The following PGAP1 variants were observed in gnomAD, a reference collection of about 807,000 sequenced individuals.
PGAP1 encodes the protein post-GPI attachment to proteins inositol deacylase 1, also known as GPI inositol-deacylase.
PGAP1 carries 76 observed loss-of-function variants against 127.0 expected under a neutral mutation model. That is an observed-to-expected ratio of 0.60 (90% CI 0.50 to 0.72). PGAP1 has a LOEUF of 0.72. PGAP1 is among the 30% of genes least tolerant of loss of function. The pLI is 0.00. For synonymous variants in PGAP1, 362 were observed against 366.5 expected (o/e 0.99, Z 0.14); for missense variants, 982 against 1,071.3 (o/e 0.92, Z 1.16).
intron 13 of PGAP1, among the ~76,000 whole-genome samples, chr2:196,878,339 A>G (rs753229568): frequency 6.6e-6 from 1 of 152,154 alleles, no homozygotes; most frequent in Non-Finnish European, 1.5e-5. Flanking sequence ...TATATTTTTA[A>G]TAACTTTGTG....
Position 196,905,421 on chromosome 2 carries a change from T to C in PGAP1, c.650-2679A>G, listed in dbSNP as rs184141520. ...ACTTCTACAAGCAAAGTTTTAAATG[T>C]ACCAACAGAAAAACCGGGCCTCATA... On this transcript the variant is annotated intron_variant, in intron 4 of 26. Coordinates refer to ENST00000354764, the MANE Select transcript of PGAP1 (RefSeq NM_024989.4). Among the ~76,000 whole-genome samples, 474 of 152,330 alleles carry C rather than the reference T, an allele frequency of 3.1e-3. 3 individuals are homozygous for C. The highest frequency in any genetic ancestry group is 0.011 in the African/African-American group (442 of 41,586).
In PGAP1 at chr2:196,848,047, TA is replaced by T. The variant is rs764627580; in HGVS notation, c.1862-11del. ...TATTCTAAGCAACAACCTGGTGATTTAAAAAAAGTTACATGCAATTTACAGT... is the reference window on the plus strand; with the variant it reads ...TATTCTAAGCAACAACCTGGTGATTTAAAAAAGTTACATGCAATTTACAGT... On this transcript the variant is annotated splice_polypyrimidine_tract_variant and intron_variant, in intron 20 of 26. Transcript: ENST00000354764. The T allele has an allele frequency of 3.2e-6, 5 of 1,574,032 alleles. No homozygotes were observed. The highest frequency in any genetic ancestry group is 1.2e-5 in the South Asian group (1 of 84,688).
intron 13 of PGAP1, among the ~76,000 whole-genome samples, chr2:196,876,042 A>T (rs1701560044): frequency 1.3e-5 from 2 of 152,108 alleles, no homozygotes; most frequent in South Asian, 4.1e-4. Context: ...TTAATAGATA[A>T]ATTATTCGAG....
At chr2:196,872,593 G>T in intron 17 of PGAP1, 44 bp from the exon 18 acceptor site, 3 of 1,359,858 alleles carry the variant, frequency 2.2e-6, no homozygotes, top group Non-Finnish European at 3.2e-6. Flanking sequence ...ACAAAATGCT[G>T]GTAAAGAGCC....
At chr2:196,848,357 A>AACAT (rs2125779762) in intron 20 of PGAP1, among the ~76,000 whole-genome samples, 1 of 152,308 alleles carries the variant, frequency 6.6e-6, no homozygotes, top group South Asian at 2.1e-4. Flanking sequence ...CTTCTATTTA[A>AACAT]ACATATACAA....
At chr2:196,896,105 C>T (rs1702258437) in intron 7 of PGAP1, among the ~76,000 whole-genome samples, 1 of 152,138 alleles carries the variant, frequency 6.6e-6, no homozygotes, top group African/African-American at 2.4e-5. Context: ...CATTTATCTG[C>T]TAGCAGACAA....
chr2:196,905,510 T>C (rs1576186367), intron 4 of PGAP1, among the ~76,000 whole-genome samples: 2 of 152,300 alleles, frequency 1.3e-5, no homozygotes, highest in South Asian at 2.1e-4. Flanking sequence ...GCTGTTATGT[T>C]AAGATGGTTT....
In PGAP1 at chr2:196,839,824, C is replaced by T. The variant is rs1377881555; in HGVS notation, c.*1410G>A. 1 of 152,162 alleles carries T rather than the reference C, an allele frequency of 6.6e-6. No individual in the cohort carries two copies. The highest frequency in any genetic ancestry group is 1.5e-5 in the Non-Finnish European group (1 of 68,048). The allele number at this position is 152,162 out of a possible 1,614,324, so 9.4% of individuals were successfully genotyped here. On this transcript the variant is annotated 3_prime_UTR_variant, in exon 27 of 27. Transcript: ENST00000354764. ...AAATAAAACTGGTGCTCGAGGACAT[C>T]CCTGGGTACTAACAAGGATACATAT...
chr2:196,918,554 A>G (rs1703086223), intron 2 of PGAP1, among the ~76,000 whole-genome samples: 1 of 152,204 alleles, frequency 6.6e-6, no homozygotes, highest in Non-Finnish European at 1.5e-5. Flanking sequence ...GATAATGCTG[A>G]GTGAAAGAAG....
rs1012792364 is a variant in PGAP1 at position 196,860,898 on chromosome 2, G to A, written c.1861+4089C>T. The stretch of plus-strand genomic sequence containing the variant: ...TAGCAAAAAAAGTCCTGAGCAAAAA[G>A]AACAAAGCTGGAGGCAATCACATTA... On this transcript the variant is annotated intron_variant, in intron 20 of 26. Coordinates refer to ENST00000354764, the MANE Select transcript of PGAP1 (RefSeq NM_024989.4). Among the ~76,000 whole-genome samples the A allele has an allele frequency of 3.9e-5, 6 of 152,086 alleles. No individual in the cohort carries two copies. In the South Asian group the frequency reaches 1.2e-3, roughly 32 times the overall value.
intron 20 of PGAP1, among the ~76,000 whole-genome samples, chr2:196,857,826 C>T (rs994777874): frequency 6.6e-6 from 1 of 152,158 alleles, no homozygotes; most frequent in Non-Finnish European, 1.5e-5. Context: ...ACTGGCATCG[C>T]CCTTGTTATT....
chr2:196,874,563 A>G (rs1187829681), intron 14 of PGAP1, among the ~76,000 whole-genome samples: 15 of 152,224 alleles, frequency 9.9e-5, no homozygotes, highest in African/African-American at 3.6e-4. Flanking sequence ...ACATTATAGC[A>G]GAGAAATCTA....
At position 196,873,699 on chromosome 2, in the gene PGAP1, G is replaced by A; in HGVS notation, c.1486C>T (p.Leu496=). Residue 496 remains leucine (L), a synonymous_variant, in exon 15 of 27, where the codon CTG becomes TTG. Coordinates refer to ENST00000354764, the MANE Select transcript of PGAP1 (RefSeq NM_024989.4). ...GGATTAATTACCTGTCCAAAGTTCAGAAGCTCTAGATTGTAGTATAGGCCA... is the reference window on the plus strand; with the variant it reads ...GGATTAATTACCTGTCCAAAGTTCAAAAGCTCTAGATTGTAGTATAGGCCA... ...TNGLYYNLEL[L]NFGQIYQAFK... 1.9e-6 allele frequency: 3 copies of A among 1,611,624 alleles called. No homozygotes were observed. Among genetic ancestry groups the A allele is most frequent in the African/African-American group, 1.3e-5 (1 of 74,976 alleles).
intron 24 of PGAP1, 55 bp from the exon 25 acceptor site, chr2:196,844,130 A>T: frequency 9.7e-7 from 1 of 1,031,562 alleles, no homozygotes; most frequent in Non-Finnish European, 1.3e-6. Flanking sequence ...ATATTACTTT[A>T]TTTAGAATCA....
In PGAP1 at chr2:196,847,113, G is replaced by A. The variant is rs772471528; in HGVS notation, c.2040C>T (p.Pro680=). 5.0e-6 allele frequency: 8 copies of A among 1,613,284 alleles called. No homozygotes were observed. The Admixed American group carries it at 1.2e-4, about 24-fold the overall frequency. Reference sequence around the variant, plus strand: ...ACAGAAAGAGAATCAAGGATATCAGGGGGAAACACATACTCTGACAAGTTA... The same window carrying A: ...ACAGAAAGAGAATCAAGGATATCAGAGGGAAACACATACTCTGACAAGTTA... The part of the protein sequence containing the change: ...VILTCQSMCF[P]LISLILFLFG... The change falls in exon 22 of 27, where the codon CCC becomes CCT. Residue 680 remains proline, a synonymous_variant. Transcript: ENST00000354764.
At chr2:196,879,027 A>G (rs1190618406) in intron 13 of PGAP1, among the ~76,000 whole-genome samples, 1 of 152,128 alleles carries the variant, frequency 6.6e-6, no homozygotes, top group Admixed American at 6.5e-5. Flanking sequence ...CATTCTTCCT[A>G]TAAAAATCCT....
chr2:196,912,868 G>C lies in PGAP1; in HGVS notation c.649+14C>G. ...TAACAATGGGGAGGTTAATGTTCAT[G>C]TAACAGTACTCACCTGTAATGAAAC... On this transcript the variant is annotated intron_variant, in intron 4 of 26. Transcript: ENST00000354764. 1 of 1,574,432 alleles carries C rather than the reference G, an allele frequency of 6.4e-7. No individual in the cohort carries two copies. Among genetic ancestry groups the C allele is most frequent in the Non-Finnish European group, 8.6e-7 (1 of 1,159,148 alleles).
intron 24 of PGAP1, among the ~76,000 whole-genome samples, 193 bp from the exon 25 acceptor site, chr2:196,844,268 C>T (rs1700497230): frequency 6.6e-6 from 1 of 151,900 alleles, no homozygotes; most frequent in Admixed American, 6.6e-5. Flanking sequence ...CTTGCTAGTT[C>T]TACTGCTAAG....
At chr2:196,868,616 G>T (rs1449740266) in intron 19 of PGAP1, among the ~76,000 whole-genome samples, 1 of 152,180 alleles carries the variant, frequency 6.6e-6, no homozygotes, top group Non-Finnish European at 1.5e-5. Context: ...TTACTGCACA[G>T]AAATGATTTA....
Sources: allele counts gnomAD v4.1 joint callset (sites outside exome capture counted in the v4.1 genomes callset), GRCh38; gene constraint gnomAD v4.1.1; transcripts MANE v1.5; gene names NCBI Gene and HGNC (gene_info 2026-07-23, HGNC 2026-07-21).